Variants in SORBS2 observed in about 807,000 individuals in gnomAD.
SORBS2 encodes the protein sorbin and SH3 domain containing 2, also known as sorbin and SH3 domain-containing protein 2.
SORBS2 carries 46 observed loss-of-function variants against 97.7 expected under a neutral mutation model. The ratio of observed to expected loss-of-function variants is 0.47; its 90% confidence interval spans 0.37 to 0.60. The LOEUF is 0.60. Ranked by LOEUF, SORBS2 falls within the 20% of genes least tolerant of loss-of-function variation. The pLI is 0.00. For synonymous variants in SORBS2, 476 were observed against 473.4 expected (o/e 1.01, Z -0.07); for missense variants, 1,316 against 1,282.3 (o/e 1.03, Z -0.40).
chr4:185,872,068 A>G (rs1224037764), intron 1 of SORBS2, among the ~76,000 whole-genome samples: 1 of 152,260 alleles, frequency 6.6e-6, no homozygotes, highest in African/African-American at 2.4e-5. Context: ...AAAGTGTTAT[A>G]TTAAAAAATA....
At chr4:185,839,154 C>T (rs2153676745) in intron 1 of SORBS2, among the ~76,000 whole-genome samples, 1 of 152,306 alleles carries the variant, frequency 6.6e-6, no homozygotes, top group Non-Finnish European at 1.5e-5. Flanking sequence ...TTATGCTCCC[C>T]ATTGTGAAAA....
At chr4:185,657,385 G>C, upstream of SORBS2, 9 of 1,478,018 alleles carry the variant, frequency 6.1e-6, no homozygotes, top group Non-Finnish European at 8.0e-6. Flanking sequence ...TGGAGTCTGT[G>C]CACAGCCCCA....
chr4:185,759,810 G>T (rs1168147241), intron 2 of SORBS2, among the ~76,000 whole-genome samples: 3 of 152,132 alleles, frequency 2.0e-5, no homozygotes, highest in Non-Finnish European at 4.4e-5. Flanking sequence ...AATTCTGTTA[G>T]TTGCTCTCAT....
chr4:185,594,030 A>G, intron 12 of SORBS2, 95 bp from the exon 25 acceptor site: 8 of 814,066 alleles, frequency 9.8e-6, no homozygotes, highest in Non-Finnish European at 1.2e-5. Flanking sequence ...TTGACATTTA[A>G]TATTTCCTGT....
chr4:185,690,980 ATC>A (rs2098082993), intron 2 of SORBS2, among the ~76,000 whole-genome samples: 1 of 151,452 alleles, frequency 6.6e-6, no homozygotes, highest in South Asian at 2.1e-4. Context: ...GCTCACTGCA[ATC>A]TCTGCCTCCT....
chr4:185,894,794 C>T (rs1219978316), intron 1 of SORBS2, among the ~76,000 whole-genome samples: 2 of 152,176 alleles, frequency 1.3e-5, no homozygotes, highest in African/African-American at 4.8e-5. Flanking sequence ...CAACCCACTC[C>T]CTCAGCAAAC....
intron 1 of SORBS2, among the ~76,000 whole-genome samples, chr4:185,783,020 T>C (rs552541819): frequency 6.6e-6 from 1 of 152,304 alleles, no homozygotes; most frequent in South Asian, 2.1e-4. Flanking sequence ...ATTAAAAAAC[T>C]GAATAAATTA....
intron 2 of SORBS2, among the ~76,000 whole-genome samples, chr4:185,701,433 CAG>C (rs1425724444): frequency 2.0e-5 from 3 of 152,184 alleles, no homozygotes; most frequent in Non-Finnish European, 4.4e-5. Context: ...TCTTCATGGA[CAG>C]AGATACCCAC....
chr4:185,724,828 C>T (rs1481936569), intron 2 of SORBS2, among the ~76,000 whole-genome samples: 1 of 152,172 alleles, frequency 6.6e-6, no homozygotes, highest in Non-Finnish European at 1.5e-5. Context: ...TCAAGATTTT[C>T]CTTTTCCTGA....
At chr4:185,708,373 T>C (rs1246321884) in intron 2 of SORBS2, among the ~76,000 whole-genome samples, 1 of 152,114 alleles carries the variant, frequency 6.6e-6, no homozygotes. Context: ...ACAACCAGCG[T>C]TTGTTTAACT....
At chr4:185,817,334 C>T (rs2099193858) in intron 1 of SORBS2, among the ~76,000 whole-genome samples, 1 of 152,156 alleles carries the variant, frequency 6.6e-6, no homozygotes. Flanking sequence ...ATTAAACCTG[C>T]AGTGGGGAGA....
At chr4:185,670,608 G>T (rs865805503) in intron 4 of SORBS2, among the ~76,000 whole-genome samples, 33 of 143,612 alleles carry the variant, frequency 2.3e-4, no homozygotes, top group Admixed American at 6.9e-4. Context: ...CTAGGAAGGG[G>T]TTTTTTTTTT....
chr4:185,797,614 T>C (rs1341689358), intron 1 of SORBS2, among the ~76,000 whole-genome samples: 3 of 152,168 alleles, frequency 2.0e-5, no homozygotes, highest in Non-Finnish European at 4.4e-5. Context: ...TTAATCCTAA[T>C]GATAATACTC....
chr4:185,754,958 C>T (rs2098822254), intron 2 of SORBS2, among the ~76,000 whole-genome samples: 1 of 152,174 alleles, frequency 6.6e-6, no homozygotes, highest in African/African-American at 2.4e-5. Flanking sequence ...CCTGTGTGCC[C>T]AGGAGGAAGG....
chr4:185,924,288 G>A (rs555548444), intron 1 of SORBS2, among the ~76,000 whole-genome samples: 10 of 152,334 alleles, frequency 6.6e-5, no homozygotes, highest in Admixed American at 6.5e-4. Context: ...AGCACAAGGA[G>A]GGAGCCTGCC....
intron 1 of SORBS2, among the ~76,000 whole-genome samples, chr4:185,915,541 C>T (rs551969938): frequency 2.0e-5 from 3 of 152,270 alleles, no homozygotes; most frequent in South Asian, 2.1e-4. Flanking sequence ...ACACTGCAGA[C>T]GTTTGACATC....
At chr4:185,881,488 T>C (rs564300303) in intron 1 of SORBS2, among the ~76,000 whole-genome samples, 352 of 152,276 alleles carry the variant, frequency 2.3e-3, no homozygotes, top group African/African-American at 7.9e-3. Context: ...AAGAAAGAAT[T>C]TTCAGACATT....
At chr4:185,834,453 CA>C (rs932802869) in intron 1 of SORBS2, among the ~76,000 whole-genome samples, 30 of 149,216 alleles carry the variant, frequency 2.0e-4, no homozygotes, top group African/African-American at 6.4e-4. Flanking sequence ...TGCTTAAGAG[CA>C]AAAAAAAATA....
At chr4:185,910,596 G>A (rs1326124546) in intron 1 of SORBS2, among the ~76,000 whole-genome samples, 2 of 152,058 alleles carry the variant, frequency 1.3e-5, no homozygotes, top group South Asian at 4.2e-4. Flanking sequence ...TTCCCAGGCT[G>A]GCGTTCAGTG....
Sources: allele counts gnomAD v4.1 joint callset (sites outside exome capture counted in the v4.1 genomes callset), GRCh38; gene constraint gnomAD v4.1.1; transcripts MANE v1.5; gene names NCBI Gene and HGNC (gene_info 2026-07-23, HGNC 2026-07-21).